Variants in PPFIA2 observed in about 807,000 individuals in gnomAD.
PPFIA2 encodes the protein liprin-alpha-2.
In PPFIA2, 46 loss-of-function variants were observed where a neutral mutation model predicts 175.5. The observed-to-expected ratio is 0.26, with a 90% CI of 0.21 to 0.34. PPFIA2 has a LOEUF of 0.34. Ranked by LOEUF, PPFIA2 falls within the 10% of genes least tolerant of loss-of-function variation. The probability of loss-of-function intolerance (pLI) is 1.00; values close to 1 mark genes in which losing one functional copy is unlikely to be tolerated. For missense variants in PPFIA2, 1,179 were observed against 1,506.1 expected (o/e 0.78, Z 3.60); for synonymous variants, 568 against 511.4 (o/e 1.11, Z -1.49).
rs1359352310 is a variant in PPFIA2, at chr12:81,384,098, C to T, written c.909G>A (p.Gln303=). ...ALSSRVGEVE[Q]EAETARKDLI... is the part of the protein sequence containing the mutation. ...GATCCTTTCTTGCTGTCTCTGCTTC[C>T]TGTTCCACCTCTCCCACTCGGGAAG... The change falls in exon 9 of 33, where the codon CAG becomes CAA. Residue 303 remains glutamine, a synonymous_variant. Coordinates refer to ENST00000549396, the MANE Select transcript of PPFIA2 (RefSeq NM_003625.5). The T allele has an allele frequency of 1.9e-6, 3 of 1,613,360 alleles. No individual in the cohort carries two copies. The highest frequency in any genetic ancestry group is 2.2e-5 in the South Asian group (2 of 91,072).
intron 29 of PPFIA2, among the ~76,000 whole-genome samples, chr12:81,267,484 T>A (rs1397653363): frequency 1.3e-5 from 2 of 152,136 alleles, no homozygotes; most frequent in Non-Finnish European, 2.9e-5. Flanking sequence ...ATGATGTGGG[T>A]TGGAGGTTTT....
intron 4 of PPFIA2, among the ~76,000 whole-genome samples, chr12:81,602,753 C>T (rs2059921303): frequency 1.3e-5 from 2 of 151,748 alleles, no homozygotes; most frequent in African/African-American, 4.8e-5. Context: ...GAAACATACA[C>T]TCTGAAAGAG....
At chr12:81,579,409 A>C (rs1459817439) in intron 4 of PPFIA2, among the ~76,000 whole-genome samples, 1 of 151,818 alleles carries the variant, frequency 6.6e-6, no homozygotes, top group Non-Finnish European at 1.5e-5. Context: ...ACAGATTCTC[A>C]GTGACAGATA....
chr12:81,520,893 C>T lies in PPFIA2; in HGVS notation c.304-63027G>A, dbSNP rs539982928. On this transcript the variant is annotated intron_variant, in intron 4 of 32. Coordinates refer to ENST00000549396, the MANE Select transcript of PPFIA2 (RefSeq NM_003625.5). ...TTATACCATGCAGTGCCTGGTAGCC[C>T]AGGAAGAGGGTTTGTTCCTATTAGA... 1.3e-4 allele frequency among the ~76,000 whole-genome samples: 20 copies of T among 152,196 alleles called. 1 individual carries two copies. The highest frequency in any genetic ancestry group is 5.9e-4 in the Admixed American group (9 of 15,288).
At position 81,642,733 on chromosome 12, in the gene PPFIA2, A is replaced by ATGTATATATTATATACATACACGTG. The variant is rs1555549557; in HGVS notation, c.303+34057_303+34058insCACGTGTATGTATATAATATATACA. Among the ~76,000 whole-genome samples, 22 of 8,122 alleles carry ATGTATATATTATATACATACACGTG rather than the reference A, an allele frequency of 2.7e-3. 7 individuals carry two copies. The highest frequency in any genetic ancestry group is 8.8e-3 in the South Asian group (2 of 228). The allele number at this position is 8,122 out of a possible 152,430, so 5.3% of individuals were successfully genotyped here. A position where few individuals can be genotyped will look rare whatever the true frequency, so the allele number is the denominator to read the frequency against. The stretch of plus-strand genomic sequence containing the variant: ...ATGTATGTATTATATACATACATGT[A>ATGTATATATTATATACATACACGTG]TATGTATGTATGTATTATATACATA... On this transcript the variant is annotated intron_variant, in intron 4 of 32. Coordinates refer to ENST00000549396, the MANE Select transcript of PPFIA2 (RefSeq NM_003625.5).
chr12:81,743,443 A>AT (rs2082604886), intron 3 of PPFIA2, among the ~76,000 whole-genome samples: 2 of 144,800 alleles, frequency 1.4e-5, no homozygotes, highest in Admixed American at 1.4e-4. Flanking sequence ...AAAAAAAAAA[A>AT]AACTTTTGCT....
intron 7 of PPFIA2, among the ~76,000 whole-genome samples, chr12:81,409,495 C>T (rs914218886): frequency 6.6e-6 from 1 of 151,948 alleles, no homozygotes; most frequent in African/African-American, 2.4e-5. Flanking sequence ...ATGGAGTTTG[C>T]CCCTCATCCT....
At chr12:81,518,122 C>CA (rs1431354455) in intron 4 of PPFIA2, among the ~76,000 whole-genome samples, 2 of 152,036 alleles carry the variant, frequency 1.3e-5, no homozygotes, top group Middle Eastern at 3.2e-3. Flanking sequence ...AACATACACA[C>CA]AAAAAATGCC....
At chr12:81,594,872 C>T (rs1056271079) in intron 4 of PPFIA2, among the ~76,000 whole-genome samples, 48 of 152,014 alleles carry the variant, frequency 3.2e-4, no homozygotes, top group Non-Finnish European at 4.4e-5. Context: ...TTTATTGGGC[C>T]ACTGCACTCC....
intron 4 of PPFIA2, among the ~76,000 whole-genome samples, chr12:81,620,475 G>A (rs2061935769): frequency 6.6e-6 from 1 of 151,836 alleles, no homozygotes; most frequent in Non-Finnish European, 1.5e-5. Flanking sequence ...CTAAAACCCA[G>A]AACCATAAAG....
chr12:81,683,643 C>CA (rs1018376541), intron 3 of PPFIA2, among the ~76,000 whole-genome samples: 1 of 151,984 alleles, frequency 6.6e-6, no homozygotes, highest in African/African-American at 2.4e-5. Context: ...CTTATTATTC[C>CA]AAAAAATATT....
At chr12:81,657,765 T>A (rs2068019231) in intron 4 of PPFIA2, among the ~76,000 whole-genome samples, 1 of 152,124 alleles carries the variant, frequency 6.6e-6, no homozygotes, top group African/African-American at 2.4e-5. Flanking sequence ...AAAAGAAAGA[T>A]CCTTGATTTA....
intron 2 of PPFIA2, among the ~76,000 whole-genome samples, chr12:81,754,924 A>G (rs1244701269): frequency 6.6e-6 from 1 of 152,182 alleles, no homozygotes; most frequent in African/African-American, 2.4e-5. Flanking sequence ...AGTGATACTG[A>G]CTGAATTAGA....
intron 14 of PPFIA2, among the ~76,000 whole-genome samples, chr12:81,365,990 CT>C (rs2033205456): frequency 1.3e-5 from 1 of 75,580 alleles, no homozygotes; most frequent in African/African-American, 5.1e-5. Context: ...CCCTCCCTTC[CT>C]TCCTTCCTTC....
chr12:81,663,525 A>C (rs901291339), intron 4 of PPFIA2, among the ~76,000 whole-genome samples: 16 of 152,302 alleles, frequency 1.1e-4, no homozygotes, highest in East Asian at 7.7e-4. Flanking sequence ...ACCACTGCTC[A>C]ACGAAATAAA....
In PPFIA2 at chr12:81,511,051, G is replaced by T. The variant is rs1245916185; in HGVS notation, c.304-53185C>A. Among the ~76,000 whole-genome samples, 4 of 152,020 alleles carry T rather than the reference G, an allele frequency of 2.6e-5. No homozygotes were observed. In the South Asian group the frequency reaches 8.3e-4, roughly 32 times the overall value. Reference sequence around the variant, plus strand: ...ACACAACAATAATTTACCAGGAAAAGGAAAGCCATGTTCAATAAGATTTTC... The same window carrying T: ...ACACAACAATAATTTACCAGGAAAATGAAAGCCATGTTCAATAAGATTTTC... On this transcript the variant is annotated intron_variant, in intron 4 of 32. Transcript: ENST00000549396.
chr12:81,662,189 TAACTA>T (rs1485487451), intron 4 of PPFIA2, among the ~76,000 whole-genome samples: 1 of 151,558 alleles, frequency 6.6e-6, no homozygotes, highest in Non-Finnish European at 1.5e-5. Context: ...AGGCAAGAAA[TAACTA>T]AGATAAGAGC....
intron 4 of PPFIA2, among the ~76,000 whole-genome samples, chr12:81,462,585 C>CATATATATATATATATATACACAT (rs1555402549): frequency 4.0e-5 from 5 of 124,680 alleles, no homozygotes; most frequent in Non-Finnish European, 8.5e-5. Context: ...TATATATATA[C>CATATATATATATATATATACACAT]ATATATATAT....
intron 4 of PPFIA2, among the ~76,000 whole-genome samples, chr12:81,518,894 G>T (rs1040305538): frequency 6.6e-6 from 1 of 152,096 alleles, no homozygotes; most frequent in Non-Finnish European, 1.5e-5. Context: ...TGTCCGTCAG[G>T]TTAAAGCTGC....
Sources: gnomAD v4.1 joint callset for allele counts (sites outside exome capture counted in the v4.1 genomes callset) on GRCh38, gnomAD v4.1.1 for gene constraint, MANE v1.5 for transcripts, NCBI Gene and HGNC (gene_info 2026-07-23, HGNC 2026-07-21) for gene names.